PLA2G4A: variants seen among roughly 807,000 people sequenced by gnomAD.
The protein encoded by PLA2G4A is cytosolic phospholipase A2.
In PLA2G4A, 40 loss-of-function variants were observed where a neutral mutation model predicts 81.9. That is an observed-to-expected ratio of 0.49 (90% CI 0.38 to 0.64). PLA2G4A has a LOEUF of 0.64. Among genes scored for constraint, PLA2G4A ranks in the 30% least tolerant of loss-of-function variants. The pLI is 0.00. For missense variants in PLA2G4A, 715 were observed against 905.1 expected (o/e 0.79, Z 2.69); for synonymous variants, 302 against 296.9 (o/e 1.02, Z -0.18).
chr1:186,963,062 G>A (rs1362005667), intron 14 of PLA2G4A, among the ~76,000 whole-genome samples: 1 of 152,012 alleles, frequency 6.6e-6, no homozygotes, highest in African/African-American at 2.4e-5. Flanking sequence ...TAAAATGGCT[G>A]TCTCCTTTGT....
chr1:186,837,418 A>G (rs1333319084), intron 1 of PLA2G4A, among the ~76,000 whole-genome samples: 2 of 152,026 alleles, frequency 1.3e-5, no homozygotes, highest in Non-Finnish European at 1.5e-5. Flanking sequence ...AAGTTTGCCA[A>G]TTAGATTATC....
chr1:186,942,375 A>ACCCAG (rs1261988119), intron 10 of PLA2G4A, among the ~76,000 whole-genome samples: 42 of 152,200 alleles, frequency 2.8e-4, no homozygotes, highest in African/African-American at 9.6e-4. Flanking sequence ...TTACATGGTC[A>ACCCAG]AAAGAACACT....
chr1:186,860,452 G>T (rs1180390391), intron 2 of PLA2G4A, among the ~76,000 whole-genome samples: 1 of 152,122 alleles, frequency 6.6e-6, no homozygotes, highest in East Asian at 1.9e-4. Context: ...ATAAATGGGG[G>T]TGAATTCTTC....
intron 2 of PLA2G4A, among the ~76,000 whole-genome samples, chr1:186,865,544 G>A (rs1652994590): frequency 6.6e-6 from 1 of 152,164 alleles, no homozygotes; most frequent in African/African-American, 2.4e-5. Flanking sequence ...ATTGCCAGTT[G>A]TGGTGATCAT....
At position 186,837,736 on chromosome 1, in the gene PLA2G4A, CAAAAAAA is replaced by C. The variant is rs750655561; in HGVS notation, c.-70+8711_-70+8717del. ...TGGGCGACAGAGAGAGACTCCGTCT[CAAAAAAA>C]AAAAAAAAAGAAAAAGAAAAGAAAA... On this transcript the variant is annotated intron_variant, in intron 1 of 17. Transcript: ENST00000367466. Among the ~76,000 whole-genome samples the C allele has an allele frequency of 1.8e-4, 10 of 55,218 alleles. 1 individual carries two copies. Among genetic ancestry groups the C allele is most frequent in the Admixed American group, 1.7e-3 (7 of 4,224 alleles). The allele number at this position is 55,218 out of a possible 152,430, so 36.2% of individuals were successfully genotyped here.
intron 2 of PLA2G4A, among the ~76,000 whole-genome samples, chr1:186,855,989 A>C (rs1051797479): frequency 3.9e-5 from 6 of 151,960 alleles, no homozygotes; most frequent in Non-Finnish European, 8.8e-5. Context: ...TTTCTTCTTC[A>C]AGAATATCCT....
At chr1:186,923,156 C>A (rs1454781806) in intron 7 of PLA2G4A, among the ~76,000 whole-genome samples, 3 of 152,170 alleles carry the variant, frequency 2.0e-5, no homozygotes, top group African/African-American at 4.8e-5. Flanking sequence ...GCACAAGCCA[C>A]CATGCCTGGC....
rs780275460 is a variant in PLA2G4A at position 186,979,326 on chromosome 1, G to A, written c.1972G>A (p.Glu658Lys). 5 of 1,611,730 alleles carry A rather than the reference G, an allele frequency of 3.1e-6. No homozygotes were observed. The highest frequency in any genetic ancestry group is 3.3e-5 in the Admixed American group (2 of 60,018). ...CTTCTGGTATTTAGGTGTTCCAAGG[G>A]AAACTGAGGAAGAGAAAGAAATCGC... ...RKYRAPGVPR[E>K]TEEEKEIADF... The change falls in exon 17 of 18, where the codon GAA becomes AAA. Residue 658 changes from glutamate (E) to lysine (K), a missense_variant. Coordinates refer to ENST00000367466, the MANE Select transcript of PLA2G4A (RefSeq NM_024420.3).
intron 1 of PLA2G4A, among the ~76,000 whole-genome samples, chr1:186,838,276 G>A (rs1651860359): frequency 6.6e-6 from 1 of 152,112 alleles, no homozygotes; most frequent in African/African-American, 2.4e-5. Flanking sequence ...TCTCTAGAGT[G>A]GGAGTTTTTA....
rs190893347 is a variant in PLA2G4A, at chr1:186,832,090, A to T, written c.-70+3055A>T. Among the ~76,000 whole-genome samples, 289 of 152,210 alleles carry T rather than the reference A, an allele frequency of 1.9e-3. 4 individuals are homozygous for T. Among genetic ancestry groups the T allele is most frequent in the African/African-American group, 6.8e-3 (284 of 41,550 alleles). On this transcript the variant is annotated intron_variant, in intron 1 of 17. Transcript: ENST00000367466. Reference sequence around the variant, plus strand: ...TGGTTCTTACTATATGAAATTTTTCATCTGTATATAGGCTGTACTGGCCAA... The same window carrying T: ...TGGTTCTTACTATATGAAATTTTTCTTCTGTATATAGGCTGTACTGGCCAA...
intron 7 of PLA2G4A, among the ~76,000 whole-genome samples, chr1:186,932,040 C>T (rs1416847257): frequency 1.3e-5 from 2 of 152,148 alleles, no homozygotes; most frequent in African/African-American, 2.4e-5. Context: ...AGATCTTACA[C>T]AAGAAACATC....
chr1:186,911,172 C>T, intron 6 of PLA2G4A, 76 bp from the exon 7 acceptor site: 1 of 1,222,714 alleles, frequency 8.2e-7, no homozygotes. Flanking sequence ...CTCCTAGGGA[C>T]CTGGAAAAGC....
intron 17 of PLA2G4A, among the ~76,000 whole-genome samples, chr1:186,985,232 A>G (rs781483275): frequency 1.2e-4 from 18 of 152,210 alleles, no homozygotes; most frequent in Non-Finnish European, 2.2e-4. Context: ...CTTTAACTCA[A>G]CTGGTCTCAC....
intron 1 of PLA2G4A, among the ~76,000 whole-genome samples, chr1:186,830,938 CTTGCTTGCTTGCTTGCTTGCTT>C (rs1651536339): frequency 2.0e-5 from 1 of 50,504 alleles, no homozygotes; most frequent in Admixed American, 2.4e-4. Context: ...GATTGTATAG[CTTGCTTGCTTGCTTGCTTGCTT>C]TCTTTCTTTC....
At chr1:186,957,415 C>G (rs1571442186) in intron 14 of PLA2G4A, among the ~76,000 whole-genome samples, 1 of 152,296 alleles carries the variant, frequency 6.6e-6, no homozygotes, top group East Asian at 1.9e-4. Flanking sequence ...CAGAATCATC[C>G]CCACAAATGT....
At chr1:186,973,955 A>T (rs1657445530) in intron 15 of PLA2G4A, among the ~76,000 whole-genome samples, 1 of 152,114 alleles carries the variant, frequency 6.6e-6, no homozygotes, top group Non-Finnish European at 1.5e-5. Flanking sequence ...ATGTAATGAG[A>T]AACATTGTAG....
chr1:186,926,535 G>T (rs1655552400), intron 7 of PLA2G4A, among the ~76,000 whole-genome samples: 1 of 151,930 alleles, frequency 6.6e-6, no homozygotes, highest in Admixed American at 6.6e-5. Flanking sequence ...CACATCCTTT[G>T]TCCCCTATCA....
chr1:186,834,427 T>C (rs543445239), intron 1 of PLA2G4A, among the ~76,000 whole-genome samples: 1 of 152,282 alleles, frequency 6.6e-6, no homozygotes, highest in South Asian at 2.1e-4. Context: ...TTTTGATGTA[T>C]TTAAATGTTT....
At chr1:186,916,390 A>C (rs1482102734) in intron 7 of PLA2G4A, among the ~76,000 whole-genome samples, 2 of 152,172 alleles carry the variant, frequency 1.3e-5, no homozygotes, top group Non-Finnish European at 2.9e-5. Flanking sequence ...CCCAAATGAC[A>C]CAAGACCAGT....
Sources: allele counts gnomAD v4.1 joint callset (sites outside exome capture counted in the v4.1 genomes callset), GRCh38; gene constraint gnomAD v4.1.1; transcripts MANE v1.5; gene names NCBI Gene and HGNC (gene_info 2026-07-23, HGNC 2026-07-21).